The following PHLPP1 variants were observed in gnomAD, a reference collection of about 807,000 sequenced individuals.
The protein encoded by PHLPP1 is PH domain leucine-rich repeat-containing protein phosphatase 1.
In PHLPP1, 42 loss-of-function variants were observed where a neutral mutation model predicts 117.2. The observed-to-expected ratio is 0.36, with a 90% CI of 0.28 to 0.46. The LOEUF is 0.46. PHLPP1 is among the 20% of genes least tolerant of loss of function. The pLI, the probability that PHLPP1 is intolerant of heterozygous loss-of-function variation, is 1.00. For missense variants in PHLPP1, 2,084 were observed against 2,241.9 expected, an observed-to-expected ratio of 0.93 and a Z score of 1.42; for synonymous variants, 1,042 against 970.7, an observed-to-expected ratio of 1.07 and a Z score of -1.37.
At chr18:62,850,379 T>A (rs986706136) in intron 3 of PHLPP1, among the ~76,000 whole-genome samples, 6 of 99,432 alleles carry the variant, frequency 6.0e-5, no homozygotes, top group Admixed American at 6.0e-4. Flanking sequence ...GGAGCAAGAC[T>A]CCATCTCGGG....
chr18:62,763,912 C>T (rs1257396125), intron 1 of PHLPP1, among the ~76,000 whole-genome samples: 1 of 152,064 alleles, frequency 6.6e-6, no homozygotes, highest in Admixed American at 6.6e-5. Context: ...CCTGTAATCC[C>T]AGCACTTTGG....
chr18:62,846,723 G>A (rs1360194774), intron 3 of PHLPP1, among the ~76,000 whole-genome samples: 1 of 152,100 alleles, frequency 6.6e-6, no homozygotes, highest in Non-Finnish European at 1.5e-5. Context: ...CAGTTAGAAA[G>A]CAACAGTCTA....
At position 62,817,383 on chromosome 18, in the gene PHLPP1, A is replaced by G. The variant is rs1438871915; in HGVS notation, c.1577-12652A>G. ...TGCATATTAAGGAGAGACATGGAAG[A>G]TAAATACATACGTATGTGAATGCAT... On this transcript the variant is annotated intron_variant, in intron 1 of 16. Transcript: ENST00000262719. Among the ~76,000 whole-genome samples, 3 of 152,250 alleles carry G rather than the reference A, an allele frequency of 2.0e-5. No individual in the cohort carries two copies. The East Asian group carries it at 5.8e-4, about 29-fold the overall frequency.
intron 3 of PHLPP1, among the ~76,000 whole-genome samples, chr18:62,856,322 G>A (rs1915497486): frequency 6.6e-6 from 1 of 152,090 alleles, no homozygotes; most frequent in South Asian, 2.1e-4. Flanking sequence ...GGTCCCACAG[G>A]ATCTGCTGCT....
At position 62,914,986 on chromosome 18, in the gene PHLPP1, C is replaced by G. The variant is rs1372052955; in HGVS notation, c.2782C>G (p.Gln928Glu). The G allele has an allele frequency of 6.2e-7, 1 of 1,612,870 alleles. No homozygotes were observed. The highest frequency in any genetic ancestry group is 8.5e-7 in the Non-Finnish European group (1 of 1,179,034). ...KLEVLDIGHN[Q>E]ICELPARLFC... ...AGAAGTTTTGGATATTGGCCATAAT[C>G]AAATATGTGAACTTCCTGCCCGGTG... Residue 928 changes from glutamine to glutamate, a missense_variant, in exon 9 of 17, where the codon CAA (glutamine) becomes GAA (glutamate). Physicochemically the swap from Gln to Glu is conservative, Grantham distance 29. Around this residue, in one of 2 missense-constraint regions of PHLPP1, gnomAD observed 1,365 missense variants for 1,605.9 expected, o/e 0.85. Coordinates refer to ENST00000262719, the MANE Select transcript of PHLPP1 (RefSeq NM_194449.4).
chr18:62,866,864 C>T (rs887522101), intron 4 of PHLPP1, among the ~76,000 whole-genome samples: 1 of 152,064 alleles, frequency 6.6e-6, no homozygotes, highest in Non-Finnish European at 1.5e-5. Context: ...TGCTCCCATC[C>T]CTCTACTGCA....
chr18:62,967,283 A>G (rs1376864605), intron 14 of PHLPP1, among the ~76,000 whole-genome samples: 1 of 152,202 alleles, frequency 6.6e-6, no homozygotes, highest in Non-Finnish European at 1.5e-5. Context: ...TTGCTGGGTC[A>G]TATGGTAAGT....
intron 1 of PHLPP1, among the ~76,000 whole-genome samples, chr18:62,772,824 C>CT (rs1912829193): frequency 1.1e-5 from 1 of 87,420 alleles, no homozygotes; most frequent in Non-Finnish European, 2.0e-5. Context: ...AAGCAAGACT[C>CT]TTTCTCAAAA....
chr18:62,866,749 A>T (rs1397956327), intron 4 of PHLPP1, among the ~76,000 whole-genome samples: 4 of 152,194 alleles, frequency 2.6e-5, no homozygotes, highest in Admixed American at 2.6e-4. Flanking sequence ...CTTCAGGAGG[A>T]TTCAGATTCT....
At chr18:62,850,648 C>T (rs917634859) in intron 3 of PHLPP1, among the ~76,000 whole-genome samples, 1 of 152,036 alleles carries the variant, frequency 6.6e-6, no homozygotes, top group Non-Finnish European at 1.5e-5. Flanking sequence ...GATTTGATCT[C>T]CACCCAAGTT....
At chr18:62,816,335 G>T (rs1452045908) in intron 1 of PHLPP1, among the ~76,000 whole-genome samples, 2 of 152,172 alleles carry the variant, frequency 1.3e-5, no homozygotes, top group Non-Finnish European at 2.9e-5. Context: ...GGAGGCCGAG[G>T]TGGGCGGATC....
At chr18:62,722,559 G>A (rs958788104) in intron 1 of PHLPP1, among the ~76,000 whole-genome samples, 2 of 152,070 alleles carry the variant, frequency 1.3e-5, no homozygotes, top group Non-Finnish European at 2.9e-5. Context: ...CATGCATCTG[G>A]TGGAACACTG....
At chr18:62,842,657 C>T (rs1258916157) in intron 3 of PHLPP1, among the ~76,000 whole-genome samples, 1 of 152,204 alleles carries the variant, frequency 6.6e-6, no homozygotes, top group African/African-American at 2.4e-5. Flanking sequence ...AGCCACCGTG[C>T]CTGGCCTAGT....
At chr18:62,898,775 GT>G (rs141714034) in intron 6 of PHLPP1, among the ~76,000 whole-genome samples, 2 of 151,724 alleles carry the variant, frequency 1.3e-5, no homozygotes, top group Non-Finnish European at 2.9e-5. Flanking sequence ...GAATCAACTA[GT>G]TTTTTTTATT....
chr18:62,738,539 G>A (rs116999507), intron 1 of PHLPP1, among the ~76,000 whole-genome samples: 1 of 152,178 alleles, frequency 6.6e-6, no homozygotes, highest in Non-Finnish European at 1.5e-5. Flanking sequence ...TTATATAAGG[G>A]ACTTGAGTGT....
intron 3 of PHLPP1, among the ~76,000 whole-genome samples, chr18:62,852,974 A>G (rs1915397178): frequency 6.6e-6 from 1 of 152,194 alleles, no homozygotes; most frequent in South Asian, 2.1e-4. Context: ...TTGGTTTACA[A>G]ATGCAACCCA....
rs537271425 is a variant in PHLPP1, at chr18:62,976,442, C to T, written c.3984+817C>T. Among the ~76,000 whole-genome samples the T allele has an allele frequency of 3.3e-5, 5 of 152,236 alleles. No homozygotes were observed. In the South Asian group the frequency reaches 8.3e-4, roughly 25 times the overall value. On this transcript the variant is annotated intron_variant, in intron 16 of 16. Transcript: ENST00000262719. ...AATGCAAACAAAAGCAGGGAAGAGG[C>T]GAGGCACAGAAAACAAGAGAAGTCT...
intron 1 of PHLPP1, among the ~76,000 whole-genome samples, chr18:62,820,564 C>T (rs1206951416): frequency 6.6e-6 from 1 of 152,224 alleles, no homozygotes; most frequent in African/African-American, 2.4e-5. Flanking sequence ...AGTGAGTTCT[C>T]ATGAGACCTG....
intron 10 of PHLPP1, among the ~76,000 whole-genome samples, chr18:62,940,396 G>A (rs113912849): frequency 0.08 from 7,948 of 99,642 alleles, 357 homozygotes; most frequent in Middle Eastern, 0.22. Context: ...ATGGAATCTC[G>A]CTCTGTCGCC....
Sources: gnomAD v4.1 joint callset for allele counts (sites outside exome capture counted in the v4.1 genomes callset) on GRCh38, gnomAD v4.1.1 for gene constraint, gnomAD v4.1.1 regional missense constraint, MANE v1.5 for transcripts, NCBI Gene and HGNC (gene_info 2026-07-23, HGNC 2026-07-21) for gene names.